Variants in KIAA1328 observed in about 807,000 individuals in gnomAD.
KIAA1328 encodes the protein protein hinderin.
Under a neutral mutation model 68.1 loss-of-function variants are expected in KIAA1328, and 52 were observed. The observed-to-expected ratio is 0.76, with a 90% CI of 0.61 to 0.96. KIAA1328 has a LOEUF of 0.96. Among genes scored for constraint, KIAA1328 ranks in the 40% least tolerant of loss-of-function variants. The pLI is 0.00. For missense variants in KIAA1328, 641 were observed against 677.6 expected (o/e 0.95, Z 0.60); for synonymous variants, 232 against 239.4 (o/e 0.97, Z 0.28).
intron 5 of KIAA1328, chr18:36,946,107 A>C (rs149436889): frequency 6.6e-6 from 1 of 152,056 alleles, no homozygotes; most frequent in Non-Finnish European, 1.5e-5. Context: ...GGGATATTCA[A>C]CCTATACTTC....
intron 5 of KIAA1328, among the ~76,000 whole-genome samples, chr18:36,931,632 A>G (rs2151149354): frequency 6.6e-6 from 1 of 152,196 alleles, no homozygotes; most frequent in South Asian, 2.1e-4. Flanking sequence ...CTCATTCTTA[A>G]GATTGCTTAG....
intron 3 of KIAA1328, among the ~76,000 whole-genome samples, chr18:36,838,207 G>T (rs770273688): frequency 9.9e-5 from 15 of 152,170 alleles, no homozygotes; most frequent in African/African-American, 2.9e-4. Flanking sequence ...TAGTTCTTTT[G>T]TGAATTCCTT....
chr18:36,911,456 A>G (rs781498094), intron 5 of KIAA1328, among the ~76,000 whole-genome samples: 1 of 152,188 alleles, frequency 6.6e-6, no homozygotes, highest in African/African-American at 2.4e-5. Context: ...CCTTGGTTAT[A>G]TATCAATTAA....
intron 7 of KIAA1328, among the ~76,000 whole-genome samples, chr18:37,097,746 T>G (rs1389784338): frequency 5.9e-5 from 9 of 152,194 alleles, no homozygotes; most frequent in African/African-American, 1.9e-4. Flanking sequence ...CTCTTTTATT[T>G]CATTGAGCAG....
At chr18:36,930,578 T>C (rs1480634256) in intron 5 of KIAA1328, among the ~76,000 whole-genome samples, 1 of 152,146 alleles carries the variant, frequency 6.6e-6, no homozygotes, top group Non-Finnish European at 1.5e-5. Flanking sequence ...TTAAAAATAA[T>C]GGTAGCAATA....
intron 6 of KIAA1328, among the ~76,000 whole-genome samples, chr18:37,054,252 A>T (rs2055822182): frequency 6.6e-6 from 1 of 152,202 alleles, no homozygotes; most frequent in South Asian, 2.1e-4. Flanking sequence ...AACAGTATGG[A>T]GATTTCTTAA....
intron 9 of KIAA1328, among the ~76,000 whole-genome samples, chr18:37,183,512 C>A (rs577047594): frequency 3.0e-4 from 46 of 152,272 alleles, no homozygotes; most frequent in African/African-American, 1.1e-3. Context: ...TTCTTAACCC[C>A]AGCACACCAA....
At chr18:37,059,568 G>A (rs994727123) in intron 6 of KIAA1328, among the ~76,000 whole-genome samples, 1 of 152,192 alleles carries the variant, frequency 6.6e-6, no homozygotes, top group East Asian at 1.9e-4. Context: ...TGGAGAAATA[G>A]GAATGCTTTT....
intron 9 of KIAA1328, among the ~76,000 whole-genome samples, chr18:37,204,175 C>T (rs2586793): frequency 0.41 from 62,447 of 151,986 alleles, 14,914 homozygotes; most frequent in African/African-American, 0.66. Context: ...TCTAAAAATA[C>T]CAGAGAAGCA....
At chr18:36,902,864 G>A (rs1235945123) in intron 5 of KIAA1328, among the ~76,000 whole-genome samples, 2 of 151,930 alleles carry the variant, frequency 1.3e-5, no homozygotes, top group African/African-American at 4.8e-5. Context: ...ACTTTAATTT[G>A]AATATTTGAT....
intron 6 of KIAA1328, among the ~76,000 whole-genome samples, chr18:37,002,755 G>T (rs901520514): frequency 6.6e-6 from 1 of 152,068 alleles, no homozygotes; most frequent in African/African-American, 2.4e-5. Flanking sequence ...TCATTAAGTT[G>T]ACCATATTGC....
Position 36,908,136 on chromosome 18 carries a change from A to G in KIAA1328, c.448+22464A>G, listed in dbSNP as rs140451356. The stretch of plus-strand genomic sequence containing the variant: ...TTATATCAGTTTTAACTAACTTGCA[A>G]TAAAAACAGCAAATTTCTTTCTAAC... On this transcript the variant is annotated intron_variant, in intron 5 of 9. Transcript: ENST00000280020. Among the ~76,000 whole-genome samples the G allele has an allele frequency of 8.5e-5, 13 of 152,306 alleles. No homozygotes were observed. The East Asian group carries it at 1.7e-3, about 20-fold the overall frequency.
At chr18:36,842,582 A>G (rs766863125) in intron 3 of KIAA1328, among the ~76,000 whole-genome samples, 2 of 152,126 alleles carry the variant, frequency 1.3e-5, no homozygotes, top group Admixed American at 6.6e-5. Context: ...TCATTGTATC[A>G]ATATGCCAGC....
At chr18:36,908,454 C>T (rs997509136) in intron 5 of KIAA1328, among the ~76,000 whole-genome samples, 2 of 152,158 alleles carry the variant, frequency 1.3e-5, no homozygotes, top group Non-Finnish European at 2.9e-5. Flanking sequence ...ATCCTCTCGC[C>T]TCAGCCTCCC....
At chr18:37,172,121 C>A (rs77500344) in intron 8 of KIAA1328, among the ~76,000 whole-genome samples, 2,592 of 152,262 alleles carry the variant, frequency 0.017, 31 homozygotes, top group Middle Eastern at 0.041. Flanking sequence ...GTATTCCCAG[C>A]ACTCCAAAGC....
chr18:37,038,818 A>G (rs2151613781), intron 6 of KIAA1328, among the ~76,000 whole-genome samples: 1 of 152,268 alleles, frequency 6.6e-6, no homozygotes, highest in African/African-American at 2.4e-5. Context: ...CCATTTCACT[A>G]TTAAGTACAT....
intron 6 of KIAA1328, among the ~76,000 whole-genome samples, chr18:37,026,836 C>T (rs1023657831): frequency 5.3e-5 from 8 of 152,156 alleles, no homozygotes; most frequent in Non-Finnish European, 1.0e-4. Flanking sequence ...CCCTCTCTCA[C>T]CACTCCTATT....
chr18:36,898,443 A>G (rs1424053599), intron 5 of KIAA1328, among the ~76,000 whole-genome samples: 2 of 151,956 alleles, frequency 1.3e-5, no homozygotes, highest in Admixed American at 1.3e-4. Context: ...CTGACAAGGC[A>G]TAGAAGAGAT....
intron 7 of KIAA1328, among the ~76,000 whole-genome samples, chr18:37,100,180 T>G (rs182100070): frequency 6.6e-6 from 1 of 152,176 alleles, no homozygotes; most frequent in African/African-American, 2.4e-5. Context: ...GGCGCAGGGC[T>G]GTGGGTGCAG....
Sources: gnomAD v4.1 joint callset for allele counts (sites outside exome capture counted in the v4.1 genomes callset) on GRCh38, gnomAD v4.1.1 for gene constraint, MANE v1.5 for transcripts, NCBI Gene and HGNC (gene_info 2026-07-23, HGNC 2026-07-21) for gene names.